The following FRMD4A variants were observed in gnomAD, a reference collection of about 807,000 sequenced individuals.
FRMD4A encodes the protein FERM domain-containing protein 4A.
FRMD4A carries 29 observed loss-of-function variants against 129.1 expected under a neutral mutation model. The observed-to-expected ratio is 0.22, with a 90% CI of 0.17 to 0.31. FRMD4A has a LOEUF of 0.31. Among genes scored for constraint, FRMD4A ranks in the 10% least tolerant of loss-of-function variants. FRMD4A has a pLI of 1.00. For synonymous variants in FRMD4A, 634 were observed against 571.6 expected (o/e 1.11, Z -1.56); for missense variants, 1,272 against 1,375.8 (o/e 0.92, Z 1.19).
At chr10:14,300,747 T>C (rs1288218422) in intron 2 of FRMD4A, among the ~76,000 whole-genome samples, 1 of 152,200 alleles carries the variant, frequency 6.6e-6, no homozygotes, top group African/African-American at 2.4e-5. Context: ...GAAGGGCTTC[T>C]CCTCCAAGGA....
intron 15 of FRMD4A, 128 bp downstream of exon 15, chr10:13,693,770 A>G (rs754024126): frequency 2.0e-6 from 2 of 1,025,620 alleles, no homozygotes; most frequent in South Asian, 1.4e-5. Flanking sequence ...CTTGGTCTGG[A>G]AAGCAAAGCC....
At position 14,108,297 on chromosome 10, in the gene FRMD4A, G is replaced by A. The variant is rs138785256; in HGVS notation, c.45+221761C>T. Among the ~76,000 whole-genome samples, 47 of 152,296 alleles carry A rather than the reference G, an allele frequency of 3.1e-4. 1 individual carries two copies. Among genetic ancestry groups the A allele is most frequent in the Middle Eastern group, 3.4e-3 (1 of 294 alleles). ...ATCATCACTTAGCCTTAATTTATGG[G>A]TTGTATTTTGTGATACTGATTAAGT... On this transcript the variant is annotated intron_variant, in intron 2 of 24. Transcript: ENST00000357447.
intron 2 of FRMD4A, among the ~76,000 whole-genome samples, chr10:14,161,294 A>G (rs1840874828): frequency 6.6e-6 from 1 of 152,206 alleles, no homozygotes; most frequent in Non-Finnish European, 1.5e-5. Flanking sequence ...GAGCTACCAT[A>G]CAATCCAACA....
chr10:13,829,542 C>T (rs566752976), intron 3 of FRMD4A, among the ~76,000 whole-genome samples: 1 of 152,178 alleles, frequency 6.6e-6, no homozygotes, highest in East Asian at 1.9e-4. Flanking sequence ...GTTCCCACGT[C>T]CAAGCCCTTC....
intron 2 of FRMD4A, among the ~76,000 whole-genome samples, chr10:14,299,865 A>C (rs1233081749): frequency 6.6e-6 from 1 of 152,204 alleles, no homozygotes; most frequent in Non-Finnish European, 1.5e-5. Context: ...CCGAAGGAGC[A>C]GGCGTCTGGG....
At chr10:14,186,401 G>A (rs11258931) in intron 2 of FRMD4A, among the ~76,000 whole-genome samples, 5,475 of 152,150 alleles carry the variant, frequency 0.036, 227 homozygotes, top group East Asian at 0.14. Context: ...TCCTTCCACC[G>A]ATCACCCACT....
chr10:13,681,467 G>C (rs1455963648), intron 15 of FRMD4A, among the ~76,000 whole-genome samples: 3 of 108,044 alleles, frequency 2.8e-5, no homozygotes, highest in Admixed American at 2.7e-4. Flanking sequence ...AGTGCTACCT[G>C]GAAAGGGTTG....
At chr10:13,665,700 C>A (rs1458381634) in intron 18 of FRMD4A, among the ~76,000 whole-genome samples, 1 of 152,194 alleles carries the variant, frequency 6.6e-6, no homozygotes, top group Admixed American at 6.5e-5. Flanking sequence ...GGGATCACTG[C>A]TGCTGTGTAC....
At chr10:14,231,402 G>T (rs984015729) in intron 2 of FRMD4A, among the ~76,000 whole-genome samples, 1 of 151,676 alleles carries the variant, frequency 6.6e-6, no homozygotes, top group Non-Finnish European at 1.5e-5. Context: ...GAGTGCAGTG[G>T]CATGACCTCG....
intron 2 of FRMD4A, among the ~76,000 whole-genome samples, chr10:13,924,359 G>A (rs2095106132): frequency 6.6e-6 from 1 of 151,820 alleles, no homozygotes; most frequent in Non-Finnish European, 1.5e-5. Flanking sequence ...AACATTATTT[G>A]GAAATCTCCT....
At chr10:14,055,838 C>G (rs924422830) in intron 2 of FRMD4A, among the ~76,000 whole-genome samples, 5 of 152,186 alleles carry the variant, frequency 3.3e-5, no homozygotes, top group Non-Finnish European at 7.3e-5. Context: ...ATAAACAATG[C>G]AATTATAGTC....
chr10:13,826,545 C>T (rs574392885), intron 3 of FRMD4A, among the ~76,000 whole-genome samples: 14 of 152,272 alleles, frequency 9.2e-5, no homozygotes, highest in Admixed American at 2.0e-4. Context: ...CCCAGTGATA[C>T]GCCCAGAGAC....
intron 2 of FRMD4A, among the ~76,000 whole-genome samples, chr10:13,948,635 C>T (rs1282767375): frequency 7.0e-6 from 1 of 142,040 alleles, no homozygotes; most frequent in Non-Finnish European, 1.5e-5. Context: ...TTGATAAGCC[C>T]ATGGAAAAGA....
chr10:13,854,246 G>C (rs150406128), intron 3 of FRMD4A, among the ~76,000 whole-genome samples: 3 of 151,984 alleles, frequency 2.0e-5, no homozygotes, highest in African/African-American at 4.8e-5. Flanking sequence ...ATATACATTC[G>C]GGTCAGAGAA....
rs71388154 is a variant in FRMD4A, at chr10:14,055,438, T to TAC, written c.46-196528_46-196527dup. On this transcript the variant is annotated intron_variant, in intron 2 of 24. Coordinates refer to ENST00000357447, the MANE Select transcript of FRMD4A (RefSeq NM_018027.5). ...CACTCTATCCCTATGCTGATCTAGC[T>TAC]ACACACACACACACACACACACAAA... 3.4e-4 allele frequency among the ~76,000 whole-genome samples: 46 copies of TAC among 137,050 alleles called. No homozygotes were observed. In the East Asian group the frequency reaches 4.3e-3, roughly 13 times the overall value. The allele number at this position is 137,050 out of a possible 152,430, so 89.9% of individuals were successfully genotyped here.
chr10:13,650,233 T>C (rs1485544731), intron 24 of FRMD4A, among the ~76,000 whole-genome samples: 1 of 152,170 alleles, frequency 6.6e-6, no homozygotes, highest in African/African-American at 2.4e-5. Flanking sequence ...AACGTATAAC[T>C]AACTTACAGA....
chr10:13,756,214 G>C (rs2091854386), intron 8 of FRMD4A: 1 of 152,154 alleles, frequency 6.6e-6, no homozygotes, highest in Non-Finnish European at 1.5e-5. Flanking sequence ...AAATTCTATA[G>C]AACAGATGTT....
intron 5 of FRMD4A, among the ~76,000 whole-genome samples, chr10:13,787,251 T>C (rs1445065101): frequency 1.3e-5 from 2 of 152,192 alleles, no homozygotes; most frequent in African/African-American, 4.8e-5. Flanking sequence ...TGTCATATCA[T>C]TGTTCTGTTA....
Position 13,820,338 on chromosome 10 carries a change from G to A in FRMD4A, c.112-9430C>T, listed in dbSNP as rs74121702. On this transcript the variant is annotated intron_variant, in intron 3 of 24. Coordinates refer to ENST00000357447, the MANE Select transcript of FRMD4A (RefSeq NM_018027.5). ...GTTGTGACATGAGTGATCTCAGTGC[G>A]AAGCCTGCATTGACATTGGTGTTCT... Among the ~76,000 whole-genome samples, 1,125 of 152,240 alleles carry A rather than the reference G, an allele frequency of 7.4e-3. 14 individuals carry two copies. Among genetic ancestry groups the A allele is most frequent in the African/African-American group, 0.024 (979 of 41,564 alleles).
Sources: allele counts gnomAD v4.1 joint callset (sites outside exome capture counted in the v4.1 genomes callset), GRCh38; gene constraint gnomAD v4.1.1; transcripts MANE v1.5; gene names NCBI Gene and HGNC (gene_info 2026-07-23, HGNC 2026-07-21).